Variants in RBM19 observed in about 807,000 individuals in gnomAD.
The protein encoded by RBM19 is RNA binding motif protein 19.
Under a neutral mutation model 116.8 loss-of-function variants are expected in RBM19, and 94 were observed. That is an observed-to-expected ratio of 0.80 (90% CI 0.68 to 0.95). The LOEUF is 0.95. Among genes scored for constraint, RBM19 ranks in the 40% least tolerant of loss-of-function variants. RBM19 has a pLI of 0.00. For missense variants in RBM19, 1,161 were observed against 1,220.7 expected (o/e 0.95, Z 0.73); for synonymous variants, 475 against 494.1 (o/e 0.96, Z 0.51).
At chr12:113,873,860 G>A (rs1879472423) in intron 21 of RBM19, among the ~76,000 whole-genome samples, 1 of 152,236 alleles carries the variant, frequency 6.6e-6, no homozygotes, top group African/African-American at 2.4e-5. Flanking sequence ...TGCGGGTGAT[G>A]AGCTGAGTTA....
At chr12:113,943,688 T>A (rs1488657462) in intron 13 of RBM19, among the ~76,000 whole-genome samples, 1 of 151,842 alleles carries the variant, frequency 6.6e-6, no homozygotes, top group Non-Finnish European at 1.5e-5. Context: ...CCAGGCATGG[T>A]GGTGCGTGCC....
At chr12:113,920,119 TCCC>T (rs1868399011) in intron 19 of RBM19, among the ~76,000 whole-genome samples, 1 of 152,030 alleles carries the variant, frequency 6.6e-6, no homozygotes, top group Admixed American at 6.5e-5. Context: ...TGGTCCCTCC[TCCC>T]CAACTACCTC....
At chr12:113,895,165 GTATATTTTAT>G (rs1881232606) in intron 21 of RBM19, among the ~76,000 whole-genome samples, 3 of 152,204 alleles carry the variant, frequency 2.0e-5, no homozygotes, top group African/African-American at 7.2e-5. Context: ...CCCATGTTAA[GTATATTTTAT>G]TATATTTGAA....
In RBM19 at chr12:113,945,938, G is replaced by T; in HGVS notation, c.1530-14C>A. The T allele has an allele frequency of 6.5e-7, 1 of 1,537,668 alleles. No individual in the cohort carries two copies. Among genetic ancestry groups the T allele is most frequent in the East Asian group, 2.2e-5 (1 of 44,536 alleles). Reference sequence around the variant, plus strand: ...CAGTTGTGAGAGCTAAGAGGCAGAGGCAGAACAGGGAGATCAGACCGCAGC... The same window carrying T: ...CAGTTGTGAGAGCTAAGAGGCAGAGTCAGAACAGGGAGATCAGACCGCAGC... On this transcript the variant is annotated splice_polypyrimidine_tract_variant and intron_variant, in intron 12 of 23. Transcript: ENST00000261741.
At chr12:113,835,636 C>T (rs562952726) in intron 23 of RBM19, among the ~76,000 whole-genome samples, 7 of 152,300 alleles carry the variant, frequency 4.6e-5, no homozygotes, top group African/African-American at 1.4e-4. Flanking sequence ...TGGAGGCCGG[C>T]GACCCATGGG....
chr12:113,836,051 A>G (rs1180931430), intron 23 of RBM19, among the ~76,000 whole-genome samples: 1 of 152,162 alleles, frequency 6.6e-6, no homozygotes, highest in Non-Finnish European at 1.5e-5. Flanking sequence ...CTGGTTTGTA[A>G]CACGCTCAGG....
chr12:113,820,894 A>G (rs749885647), downstream of RBM19, among the ~76,000 whole-genome samples: 2 of 152,006 alleles, frequency 1.3e-5, no homozygotes, highest in Admixed American at 1.3e-4. Context: ...CAGTTCCTGA[A>G]CCTTCCCCAG....
At chr12:113,889,245 T>C (rs1245375081) in intron 21 of RBM19, among the ~76,000 whole-genome samples, 4 of 152,140 alleles carry the variant, frequency 2.6e-5, no homozygotes, top group Non-Finnish European at 5.9e-5. Context: ...CAAAAGTGAC[T>C]CTAGACATTT....
intron 23 of RBM19, among the ~76,000 whole-genome samples, chr12:113,829,574 CA>C (rs1292484800): frequency 3.9e-5 from 6 of 152,190 alleles, no homozygotes; most frequent in Non-Finnish European, 8.8e-5. Flanking sequence ...TGGCAGTGAA[CA>C]AAACTCCACA....
chr12:113,884,069 G>A (rs1022658475), intron 21 of RBM19, among the ~76,000 whole-genome samples: 6 of 145,920 alleles, frequency 4.1e-5, no homozygotes, highest in African/African-American at 1.5e-4. Context: ...GAACCCAGGA[G>A]TTCAAGACCA....
intron 5 of RBM19, among the ~76,000 whole-genome samples, chr12:113,958,623 G>A (rs978890499): frequency 2.6e-5 from 4 of 152,098 alleles, no homozygotes; most frequent in Non-Finnish European, 4.4e-5. Context: ...GTGCAGAAAC[G>A]TTACCAGGCA....
chr12:113,821,842 C>A (rs563851371), downstream of RBM19, among the ~76,000 whole-genome samples: 99 of 152,318 alleles, frequency 6.5e-4, no homozygotes, highest in African/African-American at 2.2e-3. Flanking sequence ...GGGGTGCCTG[C>A]CCTAGAGGAC....
At chr12:113,897,527 T>C (rs79559259) in intron 21 of RBM19, among the ~76,000 whole-genome samples, 1 of 152,180 alleles carries the variant, frequency 6.6e-6, no homozygotes, top group Non-Finnish European at 1.5e-5. Context: ...CAAACACCAA[T>C]CTAGCCAGGT....
At chr12:113,920,823 A>T in intron 18 of RBM19, 133 bp from the exon 19 acceptor site, 1 of 778,346 alleles carries the variant, frequency 1.3e-6, no homozygotes, top group Non-Finnish European at 2.1e-6. Context: ...CCCCCCAAAA[A>T]TCTCAGCACC....
chr12:113,905,291 G>A (rs1437073993), intron 21 of RBM19, among the ~76,000 whole-genome samples: 3 of 152,190 alleles, frequency 2.0e-5, no homozygotes, highest in Non-Finnish European at 2.9e-5. Flanking sequence ...AGAGTCAGAA[G>A]CAGACCCTCA....
intron 21 of RBM19, among the ~76,000 whole-genome samples, chr12:113,872,178 C>T (rs1240692314): frequency 6.7e-6 from 1 of 148,602 alleles, no homozygotes; most frequent in African/African-American, 2.4e-5. Context: ...TGCCCTGCCG[C>T]CCCATCTGGG....
chr12:113,904,798 G>A (rs769902353), intron 21 of RBM19, among the ~76,000 whole-genome samples: 2 of 152,088 alleles, frequency 1.3e-5, no homozygotes, highest in Non-Finnish European at 2.9e-5. Flanking sequence ...TGTGTGGAGC[G>A]GGGCTGTGAG....
intron 23 of RBM19, among the ~76,000 whole-genome samples, chr12:113,843,672 G>C (rs1876702197): frequency 6.6e-6 from 1 of 152,212 alleles, no homozygotes; most frequent in African/African-American, 2.4e-5. Context: ...TCAAGGTCAA[G>C]TACCCCTTGA....
intron 21 of RBM19, among the ~76,000 whole-genome samples, chr12:113,890,209 G>C (rs537432448): frequency 3.3e-5 from 5 of 152,338 alleles, no homozygotes; most frequent in Admixed American, 3.3e-4. Flanking sequence ...TCTCTAGTGG[G>C]AGTCAGAAAA....
Sources: allele counts gnomAD v4.1 joint callset (sites outside exome capture counted in the v4.1 genomes callset), GRCh38; gene constraint gnomAD v4.1.1; transcripts MANE v1.5; gene names NCBI Gene and HGNC (gene_info 2026-07-23, HGNC 2026-07-21).